ITPR1: variants seen among roughly 807,000 people sequenced by gnomAD.
ITPR1 encodes inositol 1,4,5-trisphosphate receptor type 1.
Under a neutral mutation model 318.4 loss-of-function variants are expected in ITPR1, and 96 were observed. The observed-to-expected ratio is 0.30, with a 90% CI of 0.26 to 0.36. The LOEUF is 0.36. ITPR1 is among the 10% of genes least tolerant of loss of function. The probability of loss-of-function intolerance (pLI) is 1.00; values close to 1 mark genes in which losing one functional copy is unlikely to be tolerated. For synonymous variants in ITPR1, 1,312 were observed against 1,289.9 expected (o/e 1.02, Z -0.37); for missense variants, 2,440 against 3,460.2 (o/e 0.71, Z 7.40).
intron 46 of ITPR1, among the ~76,000 whole-genome samples, chr3:4,774,530 C>G (rs2046369226): frequency 6.6e-6 from 1 of 152,142 alleles, no homozygotes; most frequent in South Asian, 2.1e-4. Flanking sequence ...GAGCCTCTGA[C>G]AAAAATCTCC....
Position 4,699,774 on chromosome 3 carries a change from G to A in ITPR1, c.4408-39G>A, listed in dbSNP as rs780379229. ...GCAGATTTCTTAATGTTTGGTGTAG[G>A]TTTTGGTGTAATGCTTAACATACCC... On this transcript the variant is annotated intron_variant, in intron 34 of 61. Coordinates refer to ENST00000649015, the MANE Select transcript of ITPR1 (RefSeq NM_001378452.1). 7 of 1,602,896 alleles carry A rather than the reference G, an allele frequency of 4.4e-6. No individual in the cohort carries two copies. The African/African-American group carries it at 8.0e-5, about 18-fold the overall frequency.
intron 3 of ITPR1, among the ~76,000 whole-genome samples, chr3:4,519,059 C>A (rs2082365404): frequency 6.6e-6 from 1 of 152,104 alleles, no homozygotes; most frequent in African/African-American, 2.4e-5. Context: ...ATCCCTGAGA[C>A]CAACTTTCAT....
At position 4,572,178 on chromosome 3, in the gene ITPR1, C is replaced by G. The variant is rs193175963; in HGVS notation, c.163+51084C>G. The stretch of plus-strand genomic sequence containing the variant: ...TGACTCATAAGTTTCTGTCTTCAGC[C>G]TAGACTTCTCCCTTGAACTCCAGAC... On this transcript the variant is annotated intron_variant, in intron 4 of 61. Transcript: ENST00000649015. Among the ~76,000 whole-genome samples the G allele has an allele frequency of 8.5e-5, 13 of 152,278 alleles. No individual in the cohort carries two copies. In the East Asian group the frequency reaches 2.1e-3, roughly 25 times the overall value.
At position 4,793,026 on chromosome 3, in the gene ITPR1, T is replaced by C. The variant is rs115915011; in HGVS notation, c.6809-2039T>C. On this transcript the variant is annotated intron_variant, in intron 52 of 61. Coordinates refer to ENST00000649015, the MANE Select transcript of ITPR1 (RefSeq NM_001378452.1). ...GGAGTGGGAGAAGTGTCTGGAAAGG[T>C]AGATAGGGACATAGTTCCATGTGCC... Among the ~76,000 whole-genome samples, 970 of 152,134 alleles carry C rather than the reference T, an allele frequency of 6.4e-3. 13 individuals are homozygous for C. Among genetic ancestry groups the C allele is most frequent in the African/African-American group, 0.022 (930 of 41,490 alleles).
chr3:4,500,568 C>T (rs4346535), intron 2 of ITPR1, among the ~76,000 whole-genome samples: 4 of 152,138 alleles, frequency 2.6e-5, no homozygotes, highest in Middle Eastern at 3.2e-3. Flanking sequence ...ATCTTACAGA[C>T]GAGAAGACAA....
intron 20 of ITPR1, among the ~76,000 whole-genome samples, chr3:4,672,287 T>C (rs991215297): frequency 1.3e-5 from 2 of 152,252 alleles, no homozygotes; most frequent in African/African-American, 2.4e-5. Flanking sequence ...TGTTTCTTCA[T>C]GTCTTTGTTA....
intron 37 of ITPR1, 93 bp downstream of exon 37, chr3:4,706,444 C>T (rs1574947640): frequency 8.6e-7 from 1 of 1,162,262 alleles, no homozygotes. Flanking sequence ...AGCATCTAAG[C>T]TGGGCCGTGG....
rs2686624 is a variant in ITPR1, at chr3:4,688,158, A to G, written c.3703-337A>G. Among the ~76,000 whole-genome samples, 63,318 of 151,958 alleles carry G rather than the reference A, an allele frequency of 0.42. 14,233 individuals carry two copies. Among genetic ancestry groups the G allele is most frequent in the Non-Finnish European group, 0.53 (35,827 of 67,954 alleles). ...GTGATCCACCCAAAGGGGTGGGATT[A>G]CAGGTATGAGCCACTGTGCCCAGCC... On this transcript the variant is annotated intron_variant, in intron 30 of 61. Coordinates refer to ENST00000649015, the MANE Select transcript of ITPR1 (RefSeq NM_001378452.1).
intron 4 of ITPR1, among the ~76,000 whole-genome samples, chr3:4,617,142 C>A (rs2092419229): frequency 6.6e-6 from 1 of 151,928 alleles, no homozygotes; most frequent in Admixed American, 6.6e-5. Flanking sequence ...CAGTAGTGGC[C>A]CCAGTGTGAG....
In ITPR1 at chr3:4,667,563, G is replaced by C. The variant is rs370584403; in HGVS notation, c.1886+14G>C. ...CAGGGAGCCCAGGTGAGGCGGGAGT[G>C]GGGTCCATGCAGGATGGTGTCTCTG... On this transcript the variant is annotated intron_variant, in intron 18 of 61. Coordinates refer to ENST00000649015, the MANE Select transcript of ITPR1 (RefSeq NM_001378452.1). 1.9e-6 allele frequency: 3 copies of C among 1,609,560 alleles called. No homozygotes were observed. The highest frequency in any genetic ancestry group is 2.2e-5 in the East Asian group (1 of 44,842).
intron 4 of ITPR1, among the ~76,000 whole-genome samples, chr3:4,583,994 T>C (rs1440944271): frequency 6.6e-6 from 1 of 152,176 alleles, no homozygotes; most frequent in Non-Finnish European, 1.5e-5. Context: ...TTTCCCAGGG[T>C]CTTGGTATTT....
In ITPR1 at chr3:4,766,991, C is replaced by T. The variant is rs17041399; in HGVS notation, c.5725+281C>T. ...ATAATCTTTTCCTGTGATTCCTATT[C>T]AATGTTAGAGAAAGTTGAGGGAAAT... On this transcript the variant is annotated intron_variant, in intron 45 of 61. Transcript: ENST00000649015. Among the ~76,000 whole-genome samples, 12,332 of 152,252 alleles carry T rather than the reference C, an allele frequency of 0.081. 1,117 individuals carry two copies. The highest frequency in any genetic ancestry group is 0.23 in the African/African-American group (9,373 of 41,522).
At chr3:4,711,343 A>G (rs1004069418) in intron 38 of ITPR1, among the ~76,000 whole-genome samples, 1 of 152,090 alleles carries the variant, frequency 6.6e-6, no homozygotes, top group Non-Finnish European at 1.5e-5. Context: ...GCATAAGGGA[A>G]CTGTGTGTAT....
At chr3:4,558,137 C>A (rs150784940) in intron 4 of ITPR1, among the ~76,000 whole-genome samples, 215 of 152,272 alleles carry the variant, frequency 1.4e-3, no homozygotes, top group African/African-American at 5.1e-3. Flanking sequence ...AGAATTTCTT[C>A]CATCATTTGA....
intron 44 of ITPR1, chr3:4,751,608 G>A (rs1202480403): frequency 6.6e-6 from 1 of 152,236 alleles, no homozygotes; most frequent in Non-Finnish European, 1.5e-5. Flanking sequence ...CTTAATAGCA[G>A]TAGCCTGTTT....
chr3:4,724,685 C>T (rs546677912), intron 40 of ITPR1, among the ~76,000 whole-genome samples: 5 of 152,324 alleles, frequency 3.3e-5, no homozygotes, highest in South Asian at 2.1e-4. Context: ...GGCAGATTCA[C>T]GGCACTGTCT....
At chr3:4,830,279 A>G (rs1435926643) in intron 60 of ITPR1, among the ~76,000 whole-genome samples, 8 of 152,036 alleles carry the variant, frequency 5.3e-5, no homozygotes, top group Non-Finnish European at 1.0e-4. Context: ...CCTGGCCTAT[A>G]ATAGATATTA....
chr3:4,524,301 G>GTTTTT lies in ITPR1; in HGVS notation c.163+3230_163+3234dup, dbSNP rs56380229. ...CAACTGCGGTGCAGCATACTTTGAC[G>GTTTTT]TTTTTTTTTTTTTTTTTTTTTTTTT... On this transcript the variant is annotated intron_variant, in intron 4 of 61. Transcript: ENST00000649015. Among the ~76,000 whole-genome samples, 60 of 73,486 alleles carry GTTTTT rather than the reference G, an allele frequency of 8.2e-4. 3 individuals are homozygous for GTTTTT. Among genetic ancestry groups the GTTTTT allele is most frequent in the Non-Finnish European group, 1.2e-3 (51 of 42,132 alleles). The allele number at this position is 73,486 out of a possible 152,430, so 48.2% of individuals were successfully genotyped here. A position where few individuals can be genotyped will look rare whatever the true frequency, so the allele number is the denominator to read the frequency against.
intron 3 of ITPR1, among the ~76,000 whole-genome samples, chr3:4,520,370 A>T (rs2082465363): frequency 1.3e-5 from 2 of 152,066 alleles, no homozygotes; most frequent in African/African-American, 4.8e-5. Context: ...TACTTTCCCC[A>T]CTAGTTGCTT....
Sources: gnomAD v4.1 joint callset for allele counts (sites outside exome capture counted in the v4.1 genomes callset) on GRCh38, gnomAD v4.1.1 for gene constraint, MANE v1.5 for transcripts, NCBI Gene and HGNC (gene_info 2026-07-23, HGNC 2026-07-21) for gene names.